Variants in CEP78 observed in about 807,000 individuals in gnomAD.
CEP78 encodes the protein centrosomal protein of 78 kDa.
A neutral mutation model predicts 81.2 loss-of-function variants in CEP78; 76 were observed. The ratio of observed to expected loss-of-function variants is 0.94; its 90% CI spans 0.78 to 1.13. The LOEUF is 1.13. Among genes scored for constraint, CEP78 ranks in the 50% most tolerant of loss-of-function variants. The pLI, the probability that CEP78 is intolerant of heterozygous loss-of-function variation, is 0.00. For missense variants in CEP78, 918 were observed against 846.8 expected, an observed-to-expected ratio of 1.08 and a Z score of -1.04; for synonymous variants, 293 against 301.4, an observed-to-expected ratio of 0.97 and a Z score of 0.29.
intron 16 of CEP78, chr9:78,267,097 A>C: frequency 1.9e-6 from 2 of 1,051,004 alleles, no homozygotes. Context: ...AAAATATAGG[A>C]TTGGAAGCCA....
At chr9:78,260,182 T>C (rs1204429709) in intron 11 of CEP78, among the ~76,000 whole-genome samples, 1 of 152,224 alleles carries the variant, frequency 6.6e-6, no homozygotes, top group Non-Finnish European at 1.5e-5. Flanking sequence ...GAAAGCAATT[T>C]GGATGTAAGT....
Position 78,253,285 on chromosome 9 carries a change from G to A in CEP78, c.1251+8G>A. On this transcript the variant is annotated splice_region_variant and intron_variant, in intron 10 of 16. Coordinates refer to ENST00000643273, the MANE Select transcript of CEP78 (RefSeq NM_001330691.3). ...ATATGTAATCAGTTGCAGGTACGTA[G>A]TTACCATGTTTATAATATGTAGGGG... 1 of 1,263,008 alleles carries A rather than the reference G, an allele frequency of 7.9e-7. No homozygotes were observed. The highest frequency in any genetic ancestry group is 2.4e-5 in the East Asian group (1 of 42,114). 78.2% of individuals were successfully genotyped at this position (1,263,008 alleles called of 1,614,324 possible). A position where few individuals can be genotyped will look rare whatever the true frequency, so the allele number is the denominator to read the frequency against.
intron 11 of CEP78, among the ~76,000 whole-genome samples, chr9:78,259,550 T>G (rs1372970138): frequency 6.6e-6 from 1 of 152,162 alleles, no homozygotes; most frequent in East Asian, 1.9e-4. Context: ...GAGGAGGAGA[T>G]TAACTTTCAT....
At chr9:78,243,874 G>A (rs971753291) in intron 5 of CEP78, among the ~76,000 whole-genome samples, 5 of 148,988 alleles carry the variant, frequency 3.4e-5, no homozygotes, top group Non-Finnish European at 5.9e-5. Context: ...TGTTCATTTT[G>A]GTGTATACAC....
chr9:78,276,319 T>G lies in CEP78; in HGVS notation c.*5468T>G, dbSNP rs1383532455. On this transcript the variant is annotated 3_prime_UTR_variant, in exon 17 of 17. Coordinates refer to ENST00000643273, the MANE Select transcript of CEP78 (RefSeq NM_001330691.3). ...GTGATAAATTCAACATCCTCTGGTA[T>G]TCTTAACAATCTCGAAATAGAAGGA... 6.6e-6 allele frequency: 1 copy of G among 151,954 alleles called. No homozygotes were observed. Among genetic ancestry groups the G allele is most frequent in the East Asian group, 1.9e-4 (1 of 5,206 alleles). The allele number at this position is 151,954 out of a possible 1,614,324, so 9.4% of individuals were successfully genotyped here.
Position 78,236,609 on chromosome 9 carries a change from T to G in CEP78, c.253+6T>G. 6.5e-7 allele frequency: 1 copy of G among 1,528,652 alleles called. No individual in the cohort carries two copies. The highest frequency in any genetic ancestry group is 8.8e-7 in the Non-Finnish European group (1 of 1,140,214). The allele number at this position is 1,528,652 out of a possible 1,614,324, so 94.7% of individuals were successfully genotyped here. ...GCCCTGGCTGGGGGACACAGGTTTGTAGTTCCCGCCTCCAGGGCCCCTCAG... is the reference window on the plus strand; with the variant it reads ...GCCCTGGCTGGGGGACACAGGTTTGGAGTTCCCGCCTCCAGGGCCCCTCAG... On this transcript the variant is annotated splice_donor_region_variant and intron_variant, in intron 1 of 16. Coordinates refer to ENST00000643273, the MANE Select transcript of CEP78 (RefSeq NM_001330691.3).
Position 78,266,695 on chromosome 9 carries a change from C to T in CEP78, c.2099C>T (p.Thr700Ile). 3.1e-6 allele frequency: 5 copies of T among 1,611,926 alleles called. No homozygotes were observed. Among genetic ancestry groups the T allele is most frequent in the Non-Finnish European group, 3.4e-6 (4 of 1,179,014 alleles). ...RNSRSSSEKK[T>I]KTESH ...AGCAGATCTTCTTCAGAGAAAAAGA[C>T]CAAAACAGGTGAATATACCAAAAAA... Residue 700 changes from threonine to isoleucine, a missense_variant, in exon 16 of 17, where the codon ACC (threonine) becomes ATC (isoleucine). Coordinates refer to ENST00000643273, the MANE Select transcript of CEP78 (RefSeq NM_001330691.3).
rs1414510403 is a variant in CEP78, at chr9:78,266,983, A to AT, written c.2107+282dup. On this transcript the variant is annotated intron_variant, in intron 16 of 16. Transcript: ENST00000643273. ...GATTTTGAATTTCAAGAAAGCATCC[A>AT]TTCTCTATCACACCTTTCATATGAC... 2.0e-5 allele frequency: 28 copies of AT among 1,391,188 alleles called. No homozygotes were observed. In the East Asian group the frequency reaches 7.5e-4, roughly 37 times the overall value. The allele number at this position is 1,391,188 out of a possible 1,614,324, so 86.2% of individuals were successfully genotyped here.
chr9:78,261,725 A>G (rs1827284901), intron 11 of CEP78, among the ~76,000 whole-genome samples: 1 of 152,126 alleles, frequency 6.6e-6, no homozygotes, highest in Non-Finnish European at 1.5e-5. Context: ...GCTTATTTCC[A>G]TGTTTGGTTA....
At chr9:78,241,405 A>G (rs963026002) in intron 3 of CEP78, among the ~76,000 whole-genome samples, 3 of 152,160 alleles carry the variant, frequency 2.0e-5, no homozygotes, top group Non-Finnish European at 2.9e-5. Context: ...TTTCTTTCAG[A>G]TGTCTCAAAA....
At chr9:78,265,145 G>T (rs1827458683) in intron 13 of CEP78, among the ~76,000 whole-genome samples, 1 of 152,162 alleles carries the variant, frequency 6.6e-6, no homozygotes, top group African/African-American at 2.4e-5. Flanking sequence ...TACATTGTTG[G>T]GGGAAGAGAC....
chr9:78,263,128 T>A, intron 12 of CEP78, 144 bp downstream of exon 12: 1 of 422,266 alleles, frequency 2.4e-6, no homozygotes, highest in Non-Finnish European at 4.3e-6. Context: ...ATGTTTGTAT[T>A]TACTTATATT....
Position 78,236,285 on chromosome 9 carries a change from C to T in CEP78, c.-66C>T. 1.4e-6 allele frequency: 2 copies of T among 1,440,494 alleles called. No individual in the cohort carries two copies. The highest frequency in any genetic ancestry group is 1.9e-6 in the Non-Finnish European group (2 of 1,070,488). The allele number at this position is 1,440,494 out of a possible 1,614,324, so 89.2% of individuals were successfully genotyped here. A position where few individuals can be genotyped will look rare whatever the true frequency, so the allele number is the denominator to read the frequency against. On this transcript the variant is annotated 5_prime_UTR_variant, in exon 1 of 17. Transcript: ENST00000643273. ...GTGCCGGAGCGGCCGGGTTGCGACT[C>T]AGCGTTCTTGGGTGGGCGCGGGCGG...
intron 3 of CEP78, among the ~76,000 whole-genome samples, chr9:78,240,742 T>C (rs111495543): frequency 1.3e-5 from 2 of 152,174 alleles, no homozygotes; most frequent in African/African-American, 4.8e-5. Flanking sequence ...GGGCGGATCA[T>C]GAGGTCAGGA....
Position 78,264,196 on chromosome 9 carries a change from C to G in CEP78, c.1505C>G (p.Ser502Cys). The change falls in exon 13 of 17, where the codon TCT becomes TGT. Residue 502 changes from serine to cysteine, a missense_variant. Physicochemically the swap from Ser to Cys is moderately radical, Grantham distance 112. Transcript: ENST00000643273. ...AQLRNINFSL[S>C]EALHAQSLTN... ...TTAAGAAATATAAATTTCTCTTTGTCTGAAGCCCTTCATGCACAGTCATTG... is the reference window on the plus strand; with the variant it reads ...TTAAGAAATATAAATTTCTCTTTGTGTGAAGCCCTTCATGCACAGTCATTG... 1 of 1,555,618 alleles carries G rather than the reference C, an allele frequency of 6.4e-7. No homozygotes were observed. Among genetic ancestry groups the G allele is most frequent in the Non-Finnish European group, 8.7e-7 (1 of 1,152,632 alleles).
In CEP78 at chr9:78,236,372, C is replaced by T. The variant is rs1314816485; in HGVS notation, c.22C>T (p.Arg8Cys). 29 of 1,584,714 alleles carry T rather than the reference C, an allele frequency of 1.8e-5. No individual in the cohort carries two copies. The highest frequency in any genetic ancestry group is 2.4e-5 in the Non-Finnish European group (28 of 1,168,558). ...GGCCATGATCGACTCCGTGAAGCTG[C>T]GCCGCGACAGCGCGGCGGACTTCTT... is the stretch of plus-strand genomic sequence containing the variant. MIDSVKL[R>C]RDSAADFFSH... The change falls in exon 1 of 17, where the codon CGC becomes TGC. Residue 8 changes from arginine (R) to cysteine (C), a missense_variant. Arg to Cys is a radical substitution (Grantham distance 180). Coordinates refer to ENST00000643273, the MANE Select transcript of CEP78 (RefSeq NM_001330691.3).
At position 78,240,337 on chromosome 9, in the gene CEP78, T is replaced by G. The variant is rs1826168612; in HGVS notation, c.472T>G (p.Cys158Gly). ...TTTGGTGCACCTGTCTCTTGCAAAT[T>G]GTCCAATTGGAGATGGAGGTTTAGA... ...ASLVHLSLAN[C>G]PIGDGGLEII... The change falls in exon 3 of 17, where the codon TGT becomes GGT. Residue 158 changes from cysteine (C) to glycine (G), a missense_variant. Coordinates refer to ENST00000643273, the MANE Select transcript of CEP78 (RefSeq NM_001330691.3). 1 of 1,592,108 alleles carries G rather than the reference T, an allele frequency of 6.3e-7. No homozygotes were observed. The highest frequency in any genetic ancestry group is 2.2e-5 in the East Asian group (1 of 44,516).
At chr9:78,257,070 TCA>T (rs1177691785) in intron 11 of CEP78, among the ~76,000 whole-genome samples, 1 of 149,718 alleles carries the variant, frequency 6.7e-6, no homozygotes, top group African/African-American at 2.5e-5. Context: ...GTAAGAAATC[TCA>T]GAGGACAGAA....
At chr9:78,255,389 C>G (rs1218935210) in intron 11 of CEP78, among the ~76,000 whole-genome samples, 1 of 152,022 alleles carries the variant, frequency 6.6e-6, no homozygotes, top group Non-Finnish European at 1.5e-5. Context: ...ATGAAACTTA[C>G]AAATATAGAA....
Sources: gnomAD v4.1 joint callset for allele counts (sites outside exome capture counted in the v4.1 genomes callset) on GRCh38, gnomAD v4.1.1 for gene constraint, MANE v1.5 for transcripts, NCBI Gene and HGNC (gene_info 2026-07-23, HGNC 2026-07-21) for gene names.